SETD4: variants seen among roughly 807,000 people sequenced by gnomAD.
The protein encoded by SETD4 is SET domain containing 4, also known as SET domain-containing protein 4.
SETD4 carries 46 observed loss-of-function variants against 58.3 expected under a neutral mutation model. The observed-to-expected ratio is 0.79, with a 90% CI of 0.62 to 1.01. The LOEUF (loss-of-function observed/expected upper bound fraction) is 1.01. Among genes scored for constraint, SETD4 ranks in the 50% least tolerant of loss-of-function variants. SETD4 has a pLI of 0.00. For synonymous variants in SETD4, 190 were observed against 202.6 expected (o/e 0.94, Z 0.53); for missense variants, 490 against 523.3 (o/e 0.94, Z 0.62).
At chr21:36,053,515 C>A in intron 4 of SETD4, 68 bp downstream of exon 4, 1 of 1,526,686 alleles carries the variant, frequency 6.6e-7, no homozygotes. Flanking sequence ...TAATTCACTT[C>A]GTTTGAACCG....
At chr21:36,042,892 A>G (rs1350144076) in intron 7 of SETD4, 2 of 152,212 alleles carry the variant, frequency 1.3e-5, no homozygotes, top group Non-Finnish European at 2.9e-5. Context: ...TCTCGAGCCC[A>G]GGAGTTGAAG....
Position 36,058,895 on chromosome 21 carries a change from A to C in SETD4, c.-7T>G. On this transcript the variant is annotated 5_prime_UTR_variant, in exon 2 of 12. Coordinates refer to ENST00000332131, the MANE Select transcript of SETD4 (RefSeq NM_017438.5). Reference sequence around the variant, plus strand: ...TCCCTTTTCCTTTCTGCATGCTAAAACTGTAGTTTCTTTTTTCTGAAATAC... The same window carrying C: ...TCCCTTTTCCTTTCTGCATGCTAAACCTGTAGTTTCTTTTTTCTGAAATAC... The C allele has an allele frequency of 6.3e-7, 1 of 1,581,518 alleles. No homozygotes were observed. Among genetic ancestry groups the C allele is most frequent in the Non-Finnish European group, 8.6e-7 (1 of 1,168,814 alleles).
intron 8 of SETD4, 124 bp downstream of exon 8, chr21:36,041,683 C>G: frequency 1.5e-6 from 1 of 650,128 alleles, no homozygotes; most frequent in South Asian, 1.7e-5. Context: ...AGTAAGTGCT[C>G]AATACCTACC....
chr21:36,057,071 T>A, intron 3 of SETD4, 38 bp downstream of exon 3: 1 of 1,543,070 alleles, frequency 6.5e-7, no homozygotes, highest in Non-Finnish European at 9.0e-7. Context: ...CTGGCTCTCG[T>A]GTGGGAAAGG....
intron 3 of SETD4, among the ~76,000 whole-genome samples, chr21:36,055,921 G>A (rs1358557954): frequency 1.3e-5 from 2 of 152,086 alleles, no homozygotes; most frequent in African/African-American, 2.4e-5. Context: ...CCTTAGACAC[G>A]GCAAGTTTAC....
intron 5 of SETD4, 41 bp downstream of exon 5, chr21:36,048,267 A>T (rs754071275): frequency 5.2e-6 from 8 of 1,529,518 alleles, no homozygotes; most frequent in Non-Finnish European, 7.3e-6. Flanking sequence ...GACCTTAAGG[A>T]GAAGCACTTG....
intron 6 of SETD4, among the ~76,000 whole-genome samples, chr21:36,044,695 G>T (rs1050882011): frequency 2.0e-5 from 3 of 152,210 alleles, no homozygotes; most frequent in Admixed American, 2.0e-4. Context: ...AAAGCAGAGC[G>T]GGAACCTCCC....
In SETD4 at chr21:36,034,802, C is replaced by T. The variant is rs1329568085; in HGVS notation, c.*1191G>A. On this transcript the variant is annotated 3_prime_UTR_variant, in exon 12 of 12. Transcript: ENST00000332131. ...AGGTCCAGAAAGCTTCAAATGGTTA[C>T]TATCGGGCCCTCCACAGAAGTCTGC... 2 of 152,126 alleles carry T rather than the reference C, an allele frequency of 1.3e-5. No homozygotes were observed. Among genetic ancestry groups the T allele is most frequent in the Non-Finnish European group, 2.9e-5 (2 of 68,030 alleles). The allele number at this position is 152,126 out of a possible 1,614,324, so 9.4% of individuals were successfully genotyped here. A position where few individuals can be genotyped will look rare whatever the true frequency, so the allele number is the denominator to read the frequency against.
chr21:36,057,248 T>A (rs778152552), intron 2 of SETD4, 44 bp from the exon 3 acceptor site: 1 of 1,364,828 alleles, frequency 7.3e-7, no homozygotes, highest in East Asian at 2.3e-5. Flanking sequence ...AACCACTATA[T>A]AATCGGATTA....
rs369826643 is a variant in SETD4, at chr21:36,041,675, T to C, written c.983+132A>G. 6.6e-5 allele frequency: 41 copies of C among 624,330 alleles called. 1 individual carries two copies. The highest frequency in any genetic ancestry group is 6.0e-4 in the East Asian group (20 of 33,484). The allele number at this position is 624,330 out of a possible 1,614,324, so 38.7% of individuals were successfully genotyped here. A position where few individuals can be genotyped will look rare whatever the true frequency, so the allele number is the denominator to read the frequency against. On this transcript the variant is annotated intron_variant, in intron 8 of 11. Coordinates refer to ENST00000332131, the MANE Select transcript of SETD4 (RefSeq NM_017438.5). Reference sequence around the variant, plus strand: ...TCAAGCGCAGTTTTACTGCACATAGTAAGTGCTCAATACCTACCCGTCAGC... The same window carrying C: ...TCAAGCGCAGTTTTACTGCACATAGCAAGTGCTCAATACCTACCCGTCAGC...
At chr21:36,048,221 T>C (rs1340676545) in intron 5 of SETD4, 87 bp downstream of exon 5, 3 of 1,058,408 alleles carry the variant, frequency 2.8e-6, no homozygotes, top group African/African-American at 1.6e-5. Context: ...TGGGTTCTAA[T>C]GAATTGTGTC....
intron 6 of SETD4, among the ~76,000 whole-genome samples, chr21:36,044,570 C>T (rs549886436): frequency 2.6e-5 from 4 of 152,312 alleles, no homozygotes; most frequent in East Asian, 1.9e-4. Context: ...GATATTATTT[C>T]GTCAACATCA....
chr21:36,058,239 C>T (rs753165521), intron 2 of SETD4, among the ~76,000 whole-genome samples: 1 of 152,132 alleles, frequency 6.6e-6, no homozygotes, highest in Non-Finnish European at 1.5e-5. Flanking sequence ...GTGGCTCACA[C>T]CTGTAATCCC....
At chr21:36,040,046 T>C (rs2063970386) in intron 9 of SETD4, among the ~76,000 whole-genome samples, 1 of 152,126 alleles carries the variant, frequency 6.6e-6, no homozygotes, top group African/African-American at 2.4e-5. Context: ...GCTGGATGTG[T>C]CGACAGGGGG....
chr21:36,043,732 G>T (rs1403740796), intron 7 of SETD4, 50 bp downstream of exon 7: 9 of 1,599,796 alleles, frequency 5.6e-6, no homozygotes, highest in Non-Finnish European at 7.7e-6. Flanking sequence ...ATCTCCAAAT[G>T]GGGAAAAAAA....
At chr21:36,057,321 G>C (rs2065037253) in intron 2 of SETD4, 117 bp from the exon 3 acceptor site, 1 of 813,406 alleles carries the variant, frequency 1.2e-6, no homozygotes, top group South Asian at 1.4e-5. Context: ...AGTAAGAATT[G>C]GTGTATCTAA....
chr21:36,053,155 G>C (rs1199573001), intron 4 of SETD4: 2 of 195,522 alleles, frequency 1.0e-5, no homozygotes, highest in Non-Finnish European at 2.1e-5. Flanking sequence ...AGGACAGAGG[G>C]ACTGGAATTT....
chr21:36,043,987 A>G (rs2064186484), intron 6 of SETD4, 31 bp from the exon 7 acceptor site: 2 of 1,606,486 alleles, frequency 1.2e-6, no homozygotes, highest in South Asian at 1.1e-5. Context: ...GGTATTTTTT[A>G]AAGTAAGGTG....
At chr21:36,041,209 G>C (rs1057247384) in intron 8 of SETD4, among the ~76,000 whole-genome samples, 9 of 150,892 alleles carry the variant, frequency 6.0e-5, no homozygotes, top group Non-Finnish European at 1.2e-4. Flanking sequence ...CCATGGATGA[G>C]GGGCCGGAGG....
Sources: allele counts gnomAD v4.1 joint callset (sites outside exome capture counted in the v4.1 genomes callset), GRCh38; gene constraint gnomAD v4.1.1; transcripts MANE v1.5; gene names NCBI Gene and HGNC (gene_info 2026-07-23, HGNC 2026-07-21).